The following SLCO3A1 variants were observed in gnomAD, a reference collection of about 807,000 sequenced individuals.
SLCO3A1 encodes PGE1 transporter.
A neutral mutation model predicts 63.1 loss-of-function variants in SLCO3A1; 27 were observed. The ratio of observed to expected loss-of-function variants is 0.43; its 90% CI spans 0.32 to 0.59. The LOEUF (loss-of-function observed/expected upper bound fraction) is 0.59. Ranked by LOEUF, SLCO3A1 falls within the 20% of genes least tolerant of loss-of-function variation. The pLI, the probability that SLCO3A1 is intolerant of heterozygous loss-of-function variation, is 0.09. For missense variants in SLCO3A1, 773 were observed against 945.8 expected, an observed-to-expected ratio of 0.82 and a Z score of 2.40; for synonymous variants, 473 against 409.9, an observed-to-expected ratio of 1.15 and a Z score of -1.86.
intron 1 of SLCO3A1, among the ~76,000 whole-genome samples, chr15:91,869,717 A>C (rs980642195): frequency 3.9e-5 from 6 of 151,970 alleles, no homozygotes; most frequent in African/African-American, 2.4e-5. Flanking sequence ...CAACAAAGAA[A>C]GGATCATTTG....
In SLCO3A1 at chr15:92,088,595, A is replaced by G. The variant is rs565515866; in HGVS notation, c.647-6286A>G. 7.2e-5 allele frequency among the ~76,000 whole-genome samples: 11 copies of G among 152,306 alleles called. No homozygotes were observed. The South Asian group carries it at 1.0e-3, about 14-fold the overall frequency. Reference sequence around the variant, plus strand: ...CCATATTGGGTCCTACTGGGCTACAATCAAGGTGCTGGCAGGGCTGTGATC... The same window carrying G: ...CCATATTGGGTCCTACTGGGCTACAGTCAAGGTGCTGGCAGGGCTGTGATC... On this transcript the variant is annotated intron_variant, in intron 2 of 9. Transcript: ENST00000318445.
chr15:92,117,434 C>T (rs139639598), intron 4 of SLCO3A1, among the ~76,000 whole-genome samples: 103 of 152,268 alleles, frequency 6.8e-4, no homozygotes, highest in African/African-American at 2.3e-3. Flanking sequence ...AGTGAAAGCA[C>T]GGCAGAGGAT....
intron 2 of SLCO3A1, among the ~76,000 whole-genome samples, chr15:92,066,243 C>T (rs1597277922): frequency 6.6e-6 from 1 of 152,240 alleles, no homozygotes; most frequent in South Asian, 2.1e-4. Context: ...AGGCCAAGCA[C>T]TCATAGGATG....
chr15:91,939,304 C>T (rs982937236), intron 2 of SLCO3A1, among the ~76,000 whole-genome samples: 3 of 152,122 alleles, frequency 2.0e-5, no homozygotes, highest in Admixed American at 6.5e-5. Flanking sequence ...AGAACAGCAC[C>T]AAGAGGATGG....
chr15:92,041,857 C>T (rs989630970), intron 2 of SLCO3A1, among the ~76,000 whole-genome samples: 1 of 152,034 alleles, frequency 6.6e-6, no homozygotes, highest in Non-Finnish European at 1.5e-5. Context: ...AATATTTTAG[C>T]CAATCTGTAT....
At chr15:91,980,277 C>T (rs1372658532) in intron 2 of SLCO3A1, among the ~76,000 whole-genome samples, 5 of 152,072 alleles carry the variant, frequency 3.3e-5, no homozygotes, top group South Asian at 2.1e-4. Flanking sequence ...TTTATTCATT[C>T]GCTTCAAATT....
At chr15:91,895,615 T>C (rs1457208992) in intron 1 of SLCO3A1, among the ~76,000 whole-genome samples, 6 of 152,218 alleles carry the variant, frequency 3.9e-5, no homozygotes, top group Non-Finnish European at 8.8e-5. Flanking sequence ...TCCCAGCCAA[T>C]ACTGTTGATT....
intron 9 of SLCO3A1, among the ~76,000 whole-genome samples, chr15:92,157,521 C>T (rs2048387028): frequency 6.8e-6 from 1 of 147,764 alleles, no homozygotes; most frequent in South Asian, 2.1e-4. Context: ...AGACCAGTCT[C>T]AGTCTGTCAC....
chr15:92,047,623 TATATATAA>T (rs1294977206), intron 2 of SLCO3A1, among the ~76,000 whole-genome samples: 1 of 60,900 alleles, frequency 1.6e-5, no homozygotes, highest in East Asian at 3.6e-4. Flanking sequence ...TATATAAATA[TATATATAA>T]ATATATAAAT....
intron 7 of SLCO3A1, among the ~76,000 whole-genome samples, chr15:92,141,115 G>T (rs796570332): frequency 1.7e-4 from 26 of 152,234 alleles, no homozygotes; most frequent in African/African-American, 5.8e-4. Flanking sequence ...AAGTGTCATG[G>T]TACATTTTAT....
chr15:92,063,005 A>G (rs1344122024), intron 2 of SLCO3A1, among the ~76,000 whole-genome samples: 1 of 152,240 alleles, frequency 6.6e-6, no homozygotes, highest in Non-Finnish European at 1.5e-5. Context: ...TTGGGACAGA[A>G]AACAGCTTAG....
At chr15:92,089,095 G>A (rs925510428) in intron 2 of SLCO3A1, among the ~76,000 whole-genome samples, 3 of 151,548 alleles carry the variant, frequency 2.0e-5, no homozygotes, top group South Asian at 2.1e-4. Context: ...GCGTGATCTC[G>A]GCTCACTACA....
chr15:92,002,769 T>A (rs2046270295), intron 2 of SLCO3A1, among the ~76,000 whole-genome samples: 1 of 152,156 alleles, frequency 6.6e-6, no homozygotes, highest in Non-Finnish European at 1.5e-5. Flanking sequence ...CCCAAATGCA[T>A]CTCTTTTTCA....
intron 2 of SLCO3A1, among the ~76,000 whole-genome samples, chr15:91,964,654 G>T (rs754954904): frequency 6.6e-6 from 1 of 152,222 alleles, no homozygotes; most frequent in African/African-American, 2.4e-5. Context: ...CCACAGCTCC[G>T]TCCCATCTCT....
At chr15:92,007,606 A>G (rs529712705) in intron 2 of SLCO3A1, among the ~76,000 whole-genome samples, 80 of 152,282 alleles carry the variant, frequency 5.3e-4, no homozygotes, top group African/African-American at 1.9e-3. Context: ...GAGCAAGGGA[A>G]GTGGATGATT....
intron 2 of SLCO3A1, among the ~76,000 whole-genome samples, chr15:91,943,035 A>G (rs1899677558): frequency 6.6e-6 from 1 of 152,238 alleles, no homozygotes; most frequent in South Asian, 2.1e-4. Flanking sequence ...TCAGGTCTCC[A>G]CAGAGCACAC....
intron 9 of SLCO3A1, chr15:92,157,159 C>A (rs1219223735): frequency 6.6e-6 from 1 of 152,208 alleles, no homozygotes; most frequent in East Asian, 1.9e-4. Context: ...ACATACCTTC[C>A]TCAGCACAGG....
chr15:92,137,342 A>G (rs2151577483), intron 7 of SLCO3A1, among the ~76,000 whole-genome samples: 1 of 98,330 alleles, frequency 1.0e-5, no homozygotes, highest in African/African-American at 5.7e-5. Flanking sequence ...CATGGTGTAT[A>G]TGTGCCACAT....
chr15:91,958,637 C>G (rs891795472), intron 2 of SLCO3A1, among the ~76,000 whole-genome samples: 2 of 152,100 alleles, frequency 1.3e-5, no homozygotes, highest in Non-Finnish European at 2.9e-5. Flanking sequence ...AGAGGAAAGC[C>G]TTCTTAAAAA....
Sources: gnomAD v4.1 joint callset for allele counts (sites outside exome capture counted in the v4.1 genomes callset) on GRCh38, gnomAD v4.1.1 for gene constraint, MANE v1.5 for transcripts, NCBI Gene and HGNC (gene_info 2026-07-23, HGNC 2026-07-21) for gene names.